CERS6: variants seen among roughly 807,000 people sequenced by gnomAD.
CERS6 encodes ceramide synthase 6.
In CERS6, 26 loss-of-function variants were observed where a neutral mutation model predicts 56.8. The observed-to-expected ratio is 0.46, with a 90% CI of 0.34 to 0.63. The LOEUF (loss-of-function observed/expected upper bound fraction) is 0.63, where lower values mean the gene tolerates loss of function less well. CERS6 is among the 30% of genes least tolerant of loss of function. The pLI, the probability that CERS6 is intolerant of heterozygous loss-of-function variation, is 0.01. For missense variants in CERS6, 415 were observed against 467.5 expected, an observed-to-expected ratio of 0.89 and a Z score of 1.04; for synonymous variants, 164 against 173.3, an observed-to-expected ratio of 0.95 and a Z score of 0.42.
At chr2:168,694,903 A>C in intron 5 of CERS6, 56 bp from the exon 6 acceptor site, 1 of 1,352,640 alleles carries the variant, frequency 7.4e-7, no homozygotes, top group Non-Finnish European at 1.1e-6. Context: ...TGTCTGGGAT[A>C]CAAATTGGGT....
chr2:168,709,935 G>A (rs1687048763), intron 6 of CERS6, among the ~76,000 whole-genome samples: 1 of 152,108 alleles, frequency 6.6e-6, no homozygotes, highest in Admixed American at 6.6e-5. Context: ...CTTTATTAAA[G>A]GTATTTTATT....
At chr2:168,622,335 G>C (rs755830149) in intron 3 of CERS6, among the ~76,000 whole-genome samples, 3 of 152,174 alleles carry the variant, frequency 2.0e-5, no homozygotes, top group African/African-American at 7.2e-5. Flanking sequence ...ATTCAAAGCC[G>C]TCCTGGCCTG....
chr2:168,689,846 G>T (rs1299266065), intron 4 of CERS6, among the ~76,000 whole-genome samples: 1 of 152,158 alleles, frequency 6.6e-6, no homozygotes, highest in Admixed American at 6.5e-5. Flanking sequence ...ACAGGAATCT[G>T]GCTCCCTACC....
intron 6 of CERS6, among the ~76,000 whole-genome samples, chr2:168,704,321 A>G (rs779289943): frequency 5.4e-4 from 82 of 152,030 alleles, no homozygotes; most frequent in Non-Finnish European, 9.6e-4. Flanking sequence ...CTCTGGGCAC[A>G]TAAATTCGGG....
chr2:168,738,218 A>G (rs1272122699), intron 8 of CERS6, among the ~76,000 whole-genome samples: 1 of 152,246 alleles, frequency 6.6e-6, no homozygotes, highest in African/African-American at 2.4e-5. Flanking sequence ...GTGGTAGTCC[A>G]GGCCTTGCTT....
At chr2:168,732,495 C>A (rs1683570879) in intron 8 of CERS6, among the ~76,000 whole-genome samples, 1 of 152,182 alleles carries the variant, frequency 6.6e-6, no homozygotes. Context: ...TTACTGTTTT[C>A]TCCCCAAATC....
chr2:168,511,491 T>A (rs1694786220), intron 1 of CERS6, among the ~76,000 whole-genome samples: 1 of 152,138 alleles, frequency 6.6e-6, no homozygotes, highest in Non-Finnish European at 1.5e-5. Flanking sequence ...TTCCTGTGTG[T>A]CTTATTGGTG....
chr2:168,600,498 C>G (rs1255511763), intron 3 of CERS6, among the ~76,000 whole-genome samples: 1 of 152,202 alleles, frequency 6.6e-6, no homozygotes, highest in Non-Finnish European at 1.5e-5. Flanking sequence ...GCCACCACGC[C>G]CGGCCTGCCA....
At chr2:168,481,049 C>A (rs1341891623) in intron 1 of CERS6, among the ~76,000 whole-genome samples, 2 of 152,152 alleles carry the variant, frequency 1.3e-5, no homozygotes, top group Non-Finnish European at 2.9e-5. Context: ...TTGCTGGGCA[C>A]CAACCTGGGC....
At chr2:168,641,750 A>AAGT (rs1685056240) in intron 4 of CERS6, among the ~76,000 whole-genome samples, 1 of 152,164 alleles carries the variant, frequency 6.6e-6, no homozygotes, top group African/African-American at 2.4e-5. Context: ...CTTAAGTATG[A>AAGT]AGTATCATGT....
chr2:168,564,607 C>T (rs546075584), intron 3 of CERS6, among the ~76,000 whole-genome samples: 2 of 152,150 alleles, frequency 1.3e-5, no homozygotes, highest in South Asian at 4.1e-4. Context: ...ATGACATCTT[C>T]CTTCTAGAGG....
intron 1 of CERS6, among the ~76,000 whole-genome samples, chr2:168,538,353 C>T (rs1695304147): frequency 2.6e-5 from 4 of 152,150 alleles, no homozygotes; most frequent in Admixed American, 2.6e-4. Context: ...CTATACTAGC[C>T]TCTCTAGCCT....
At chr2:168,561,130 A>G (rs1695778755) in intron 2 of CERS6, 62 bp from the exon 3 acceptor site, 2 of 1,564,088 alleles carry the variant, frequency 1.3e-6, no homozygotes, top group East Asian at 2.2e-5. Context: ...ACAAGGGCAG[A>G]TCTGTTTATA....
intron 3 of CERS6, among the ~76,000 whole-genome samples, chr2:168,574,355 G>T (rs1459426999): frequency 2.0e-5 from 3 of 150,440 alleles, no homozygotes; most frequent in Non-Finnish European, 4.4e-5. Context: ...CAATACTTAC[G>T]TGGCTCAATA....
rs184857555 is a variant in CERS6, at chr2:168,745,313, C to G, written c.846-20279C>G. On this transcript the variant is annotated intron_variant, in intron 8 of 9. Transcript: ENST00000305747. Reference sequence around the variant, plus strand: ...CTAGAGTGCAGTGGCACAGTCTCGGCTCACTGCAAGGTCCGCCTCCTGGGT... The same window carrying G: ...CTAGAGTGCAGTGGCACAGTCTCGGGTCACTGCAAGGTCCGCCTCCTGGGT... Among the ~76,000 whole-genome samples, 652 of 152,010 alleles carry G rather than the reference C, an allele frequency of 4.3e-3. 6 individuals are homozygous for G. In the Middle Eastern group the frequency reaches 0.054, roughly 13 times the overall value.
chr2:168,655,248 A>G (rs951246046), intron 4 of CERS6, among the ~76,000 whole-genome samples: 1 of 152,170 alleles, frequency 6.6e-6, no homozygotes, highest in African/African-American at 2.4e-5. Flanking sequence ...TGGCAAGGGT[A>G]TGGAGAAAGG....
At chr2:168,606,916 A>T (rs893408049) in intron 3 of CERS6, among the ~76,000 whole-genome samples, 10 of 152,130 alleles carry the variant, frequency 6.6e-5, no homozygotes, top group African/African-American at 2.4e-4. Context: ...GCCATGTAAG[A>T]TGTGCCTGCA....
At chr2:168,464,174 TTGTG>T (rs35372610) in intron 1 of CERS6, among the ~76,000 whole-genome samples, 3,059 of 139,758 alleles carry the variant, frequency 0.022, 47 homozygotes, top group Non-Finnish European at 0.026. Flanking sequence ...TTTATACTTT[TTGTG>T]TGTGTGTGTG....
At chr2:168,721,733 C>T (rs1469293341) in intron 8 of CERS6, among the ~76,000 whole-genome samples, 3 of 151,800 alleles carry the variant, frequency 2.0e-5, no homozygotes, top group African/African-American at 4.8e-5. Flanking sequence ...ATTCTCCTGC[C>T]TCAGTTTCTT....
Sources: allele counts gnomAD v4.1 joint callset (sites outside exome capture counted in the v4.1 genomes callset), GRCh38; gene constraint gnomAD v4.1.1; transcripts MANE v1.5; gene names NCBI Gene and HGNC (gene_info 2026-07-23, HGNC 2026-07-21).